CDKAL1: variants seen among roughly 807,000 people sequenced by gnomAD.
CDKAL1 encodes CDKAL1 threonylcarbamoyladenosine tRNA methylthiotransferase, also known as threonylcarbamoyladenosine tRNA methylthiotransferase.
Under a neutral mutation model 68.2 loss-of-function variants are expected in CDKAL1, and 32 were observed. That is an observed-to-expected ratio of 0.47 (90% CI 0.35 to 0.63). The LOEUF is 0.63. CDKAL1 is among the 30% of genes least tolerant of loss of function. The pLI is 0.00. For synonymous variants in CDKAL1, 234 were observed against 244.3 expected (o/e 0.96, Z 0.39); for missense variants, 606 against 696.7 (o/e 0.87, Z 1.47).
At chr6:21,091,533 A>G (rs531264314) in intron 12 of CDKAL1, among the ~76,000 whole-genome samples, 3 of 152,320 alleles carry the variant, frequency 2.0e-5, no homozygotes, top group Admixed American at 2.0e-4. Flanking sequence ...GCTCAGGCGT[A>G]CAGCTCAGGC....
intron 11 of CDKAL1, among the ~76,000 whole-genome samples, chr6:21,040,738 T>C (rs541540628): frequency 6.6e-6 from 1 of 152,292 alleles, no homozygotes; most frequent in African/African-American, 2.4e-5. Flanking sequence ...ATACTAAGAA[T>C]AAATGACATA....
intron 4 of CDKAL1, among the ~76,000 whole-genome samples, chr6:20,557,040 T>C (rs1764072936): frequency 4.2e-5 from 1 of 23,676 alleles, no homozygotes. Flanking sequence ...AGTCTCCATC[T>C]CAAAAAAAAA....
intron 11 of CDKAL1, among the ~76,000 whole-genome samples, chr6:21,008,821 A>G (rs897333340): frequency 3.3e-5 from 5 of 152,278 alleles, no homozygotes; most frequent in South Asian, 2.1e-4. Flanking sequence ...TGGAACTAAC[A>G]AGAGTAAGGC....
At chr6:20,666,180 A>T (rs1769533882) in intron 5 of CDKAL1, among the ~76,000 whole-genome samples, 1 of 152,166 alleles carries the variant, frequency 6.6e-6, no homozygotes, top group Non-Finnish European at 1.5e-5. Context: ...GCAATTTATG[A>T]AAGAGGATGT....
At chr6:20,837,023 G>A (rs766335039) in intron 8 of CDKAL1, among the ~76,000 whole-genome samples, 1 of 152,066 alleles carries the variant, frequency 6.6e-6, no homozygotes, top group Non-Finnish European at 1.5e-5. Flanking sequence ...GTCAAAGATG[G>A]GCAGTTGAAT....
rs116179720 is a variant in CDKAL1, at chr6:20,901,401, G to A, written c.743-54018G>A. Reference sequence around the variant, plus strand: ...TAAGAAACAGCTTTAGAGGCCAGGCGCTGTGGCTCACACCTGTAATCCCAG... The same window carrying A: ...TAAGAAACAGCTTTAGAGGCCAGGCACTGTGGCTCACACCTGTAATCCCAG... On this transcript the variant is annotated intron_variant, in intron 9 of 15. Transcript: ENST00000274695. Among the ~76,000 whole-genome samples, 900 of 151,992 alleles carry A rather than the reference G, an allele frequency of 5.9e-3. 7 individuals carry two copies. Among genetic ancestry groups the A allele is most frequent in the African/African-American group, 0.02 (843 of 41,450 alleles).
At chr6:20,899,172 C>T (rs1485717914) in intron 9 of CDKAL1, among the ~76,000 whole-genome samples, 1 of 150,372 alleles carries the variant, frequency 6.7e-6, no homozygotes, top group Non-Finnish European at 1.5e-5. Context: ...TCAAGTGAGT[C>T]TCCTGCCTCA....
chr6:20,680,590 T>C (rs538409309), intron 5 of CDKAL1, among the ~76,000 whole-genome samples: 1 of 152,314 alleles, frequency 6.6e-6, no homozygotes, highest in Admixed American at 6.5e-5. Context: ...TGGTTGAAAC[T>C]AGGACAGATT....
chr6:20,895,637 T>TTTCAAGATTTGCAAGTAACATCTAA (rs1761640748), intron 9 of CDKAL1, among the ~76,000 whole-genome samples: 1 of 152,116 alleles, frequency 6.6e-6, no homozygotes, highest in African/African-American at 2.4e-5. Context: ...CCAGAGGAGA[T>TTTCAAGATTTGCAAGTAACATCTAA]TTCAAGATTT....
intron 11 of CDKAL1, among the ~76,000 whole-genome samples, chr6:21,060,595 T>C (rs1771092337): frequency 6.6e-6 from 1 of 152,146 alleles, no homozygotes; most frequent in Non-Finnish European, 1.5e-5. Flanking sequence ...CTTTGTTAGC[T>C]TCTTGAAGTG....
chr6:20,994,478 AAAAAG>A (rs1467255948), intron 10 of CDKAL1, among the ~76,000 whole-genome samples: 7 of 152,140 alleles, frequency 4.6e-5, no homozygotes, highest in East Asian at 1.9e-4. Flanking sequence ...GATGAAAAGA[AAAAAG>A]AAAAGAAAAG....
intron 13 of CDKAL1, among the ~76,000 whole-genome samples, chr6:21,162,579 C>T (rs937713051): frequency 6.6e-6 from 1 of 152,196 alleles, no homozygotes; most frequent in African/African-American, 2.4e-5. Flanking sequence ...CAATCAGTCT[C>T]AGCATCACAT....
At chr6:20,885,635 A>G (rs1761030794) in intron 9 of CDKAL1, among the ~76,000 whole-genome samples, 1 of 152,220 alleles carries the variant, frequency 6.6e-6, no homozygotes. Context: ...CACAAGCAAC[A>G]AAAGAAAAAA....
intron 8 of CDKAL1, among the ~76,000 whole-genome samples, chr6:20,802,312 CAACAATAAT>C (rs1038298563): frequency 3.8e-4 from 38 of 99,690 alleles, no homozygotes; most frequent in African/African-American, 1.3e-3. Flanking sequence ...ACAACAACAA[CAACAATAAT>C]AATAATAATA....
At chr6:20,766,843 G>A (rs1248292233) in intron 7 of CDKAL1, among the ~76,000 whole-genome samples, 2 of 151,938 alleles carry the variant, frequency 1.3e-5, no homozygotes, top group Non-Finnish European at 2.9e-5. Context: ...ATCAATCCCA[G>A]AAAGAATTTG....
intron 5 of CDKAL1, among the ~76,000 whole-genome samples, chr6:20,734,907 T>C (rs1276736442): frequency 7.5e-6 from 1 of 133,876 alleles, no homozygotes; most frequent in Non-Finnish European, 1.5e-5. Context: ...TCTCACTGTG[T>C]TGCCTGAGCT....
At chr6:21,087,257 G>T (rs1325004335) in intron 12 of CDKAL1, among the ~76,000 whole-genome samples, 1 of 152,196 alleles carries the variant, frequency 6.6e-6, no homozygotes, top group Admixed American at 6.5e-5. Flanking sequence ...CTCTATATGG[G>T]TTGTAACTGA....
intron 8 of CDKAL1, among the ~76,000 whole-genome samples, chr6:20,830,070 G>A (rs1777651558): frequency 6.6e-6 from 1 of 152,232 alleles, no homozygotes; most frequent in Admixed American, 6.5e-5. Context: ...TGCCCAGGCT[G>A]GTCTTGAACT....
chr6:20,562,029 A>G (rs1764286223), intron 4 of CDKAL1, among the ~76,000 whole-genome samples: 1 of 152,206 alleles, frequency 6.6e-6, no homozygotes, highest in Non-Finnish European at 1.5e-5. Flanking sequence ...GGAAGCAGTA[A>G]TTGCTTTCAA....
Sources: allele counts gnomAD v4.1 joint callset (sites outside exome capture counted in the v4.1 genomes callset), GRCh38; gene constraint gnomAD v4.1.1; transcripts MANE v1.5; gene names NCBI Gene and HGNC (gene_info 2026-07-23, HGNC 2026-07-21).